Variants in PTPRF observed in about 807,000 individuals in gnomAD.
PTPRF encodes protein tyrosine phosphatase receptor type F.
Under a neutral mutation model 201.8 loss-of-function variants are expected in PTPRF, and 59 were observed. The observed-to-expected ratio is 0.29, with a 90% CI of 0.24 to 0.36. PTPRF has a LOEUF of 0.36. Among genes scored for constraint, PTPRF ranks in the 10% least tolerant of loss-of-function variants. The pLI, the probability that PTPRF is intolerant of heterozygous loss-of-function variation, is 1.00. For missense variants in PTPRF, 2,132 were observed against 2,690.5 expected, an observed-to-expected ratio of 0.79 and a Z score of 4.59; for synonymous variants, 1,088 against 1,089.7, an observed-to-expected ratio of 1.00 and a Z score of 0.03.
intron 5 of PTPRF, among the ~76,000 whole-genome samples, chr1:43,558,391 G>GC (rs1363317543): frequency 1.3e-5 from 2 of 152,048 alleles, no homozygotes; most frequent in Admixed American, 6.5e-5. Context: ...CCGTGGGAGT[G>GC]CCCCCCCAAA....
In PTPRF at chr1:43,597,916, G is replaced by T; in HGVS notation, c.1982G>T (p.Gly661Val). Residue 661 changes from glycine (G) to valine (V), a missense_variant, in exon 12 of 34, where the codon GGC (glycine) becomes GTC (valine). Coordinates refer to ENST00000359947, the MANE Select transcript of PTPRF (RefSeq NM_002840.5). The part of the protein sequence containing the change: ...GEDRGRHVVD[G>V]ISREHSSWDL... ...GACCGCGGGCGGCATGTGGTGGATG[G>T]CATCAGCCGTGAGCACTCCAGCTGG... 1 of 1,599,092 alleles carries T rather than the reference G, an allele frequency of 6.3e-7. No homozygotes were observed. The highest frequency in any genetic ancestry group is 8.5e-7 in the Non-Finnish European group (1 of 1,173,306).
chr1:43,531,971 C>G (rs1379514674), intron 1 of PTPRF, among the ~76,000 whole-genome samples: 1 of 152,190 alleles, frequency 6.6e-6, no homozygotes, highest in Non-Finnish European at 1.5e-5. Flanking sequence ...GTCTCTCCAG[C>G]TGTCTCCATT....
intron 7 of PTPRF, 23 bp downstream of exon 7, chr1:43,578,943 G>T: frequency 6.2e-7 from 1 of 1,607,326 alleles, no homozygotes; most frequent in Non-Finnish European, 8.5e-7. Context: ...GCAGTGCCTG[G>T]CCCCTGTCAC....
chr1:43,568,994 A>G (rs537921473), intron 5 of PTPRF, among the ~76,000 whole-genome samples: 25 of 152,310 alleles, frequency 1.6e-4, no homozygotes, highest in Non-Finnish European at 2.8e-4. Context: ...GCAGTAACGA[A>G]TAGGTCAAGG....
intron 5 of PTPRF, among the ~76,000 whole-genome samples, chr1:43,558,921 A>G (rs766210499): frequency 2.0e-5 from 3 of 152,182 alleles, no homozygotes; most frequent in Non-Finnish European, 4.4e-5. Flanking sequence ...GCCGCCAGAC[A>G]TTCAGTGGTG....
chr1:43,614,929 C>T (rs1196173234), intron 23 of PTPRF, among the ~76,000 whole-genome samples: 3 of 152,102 alleles, frequency 2.0e-5, no homozygotes, highest in Non-Finnish European at 4.4e-5. Context: ...TCCTCCTCTT[C>T]CACCTCCTCC....
intron 1 of PTPRF, among the ~76,000 whole-genome samples, chr1:43,536,165 G>C (rs1643992908): frequency 6.6e-6 from 1 of 152,184 alleles, no homozygotes. Context: ...CTCTGTTCTG[G>C]GGGTGTATCT....
chr1:43,570,869 A>G (rs1184265578), intron 6 of PTPRF, among the ~76,000 whole-genome samples: 1 of 152,240 alleles, frequency 6.6e-6, no homozygotes, highest in Non-Finnish European at 1.5e-5. Flanking sequence ...GCCATAATCA[A>G]GGCAGCAAAC....
intron 5 of PTPRF, among the ~76,000 whole-genome samples, chr1:43,569,255 G>A (rs1646406903): frequency 7.8e-6 from 1 of 127,900 alleles, no homozygotes; most frequent in Non-Finnish European, 1.5e-5. Context: ...CAGCATTCAT[G>A]CAGTGCTTTC....
intron 2 of PTPRF, among the ~76,000 whole-genome samples, chr1:43,543,071 G>A (rs56215575): frequency 0.034 from 5,112 of 152,214 alleles, 287 homozygotes; most frequent in African/African-American, 0.11. Flanking sequence ...GTGCAACACA[G>A]CTGTTGAGTT....
At chr1:43,598,990 AT>A in intron 13 of PTPRF, 77 bp downstream of exon 13, 1 of 1,467,116 alleles carries the variant, frequency 6.8e-7, no homozygotes, top group Non-Finnish European at 9.3e-7. Flanking sequence ...GGGCCCAGAT[AT>A]GTCCCTCTTC....
intron 11 of PTPRF, among the ~76,000 whole-genome samples, chr1:43,595,537 G>A (rs1652043503): frequency 1.3e-5 from 2 of 152,156 alleles, no homozygotes. Flanking sequence ...TTTCTTTTAA[G>A]ATGGGAAAAT....
At chr1:43,557,828 C>A (rs1350497840) in intron 5 of PTPRF, among the ~76,000 whole-genome samples, 2 of 152,084 alleles carry the variant, frequency 1.3e-5, no homozygotes, top group African/African-American at 4.8e-5. Context: ...GCCCCTCCTG[C>A]TTCTGAAACA....
At chr1:43,589,320 A>G (rs1280585815) in intron 8 of PTPRF, among the ~76,000 whole-genome samples, 2 of 151,954 alleles carry the variant, frequency 1.3e-5, no homozygotes, top group Non-Finnish European at 2.9e-5. Flanking sequence ...AAACGAGGGA[A>G]CCGAGGCACA....
intron 25 of PTPRF, 115 bp from the exon 26 acceptor site, chr1:43,618,515 T>TA: frequency 7.4e-7 from 1 of 1,345,106 alleles, no homozygotes; most frequent in Non-Finnish European, 1.0e-6. Context: ...AGCTCAGGGC[T>TA]GGGGGGCTTT....
chr1:43,601,342 C>A (rs1178988489), intron 13 of PTPRF, among the ~76,000 whole-genome samples: 1 of 152,250 alleles, frequency 6.6e-6, no homozygotes, highest in African/African-American at 2.4e-5. Context: ...CCGAAACATT[C>A]CTTCCTACCT....
chr1:43,582,817 G>T (rs1019193394), intron 7 of PTPRF, among the ~76,000 whole-genome samples: 2 of 152,194 alleles, frequency 1.3e-5, no homozygotes, highest in Non-Finnish European at 2.9e-5. Context: ...CCCCACCCTC[G>T]GCCTCCCTGG....
intron 7 of PTPRF, among the ~76,000 whole-genome samples, chr1:43,583,666 G>C (rs151218189): frequency 3.4e-4 from 52 of 152,280 alleles, no homozygotes; most frequent in African/African-American, 1.2e-3. Flanking sequence ...CCCCCACCAG[G>C]GCTTAATGGG....
At chr1:43,598,133 C>T in intron 12 of PTPRF, 80 bp downstream of exon 12, 2 of 1,347,138 alleles carry the variant, frequency 1.5e-6, no homozygotes, top group Non-Finnish European at 2.0e-6. Context: ...CCTTCCTTTC[C>T]TGAACACAGG....
Sources: gnomAD v4.1 joint callset for allele counts (sites outside exome capture counted in the v4.1 genomes callset) on GRCh38, gnomAD v4.1.1 for gene constraint, MANE v1.5 for transcripts, NCBI Gene and HGNC (gene_info 2026-07-23, HGNC 2026-07-21) for gene names.